The following RAD50 variants were observed in gnomAD, a reference collection of about 807,000 sequenced individuals.
The protein encoded by RAD50 is RAD50 double strand break repair protein, also known as DNA repair protein RAD50.
Under a neutral mutation model 168.8 loss-of-function variants are expected in RAD50, and 132 were observed. That is an observed-to-expected ratio of 0.78 (90% CI 0.68 to 0.90). The LOEUF (loss-of-function observed/expected upper bound fraction) is 0.90, where lower values mean the gene tolerates loss of function less well. Among genes scored for constraint, RAD50 ranks in the 40% least tolerant of loss-of-function variants. RAD50 has a pLI of 0.00. For missense variants in RAD50, 1,347 were observed against 1,534.4 expected (o/e 0.88, Z 2.04); for synonymous variants, 525 against 497.4 (o/e 1.06, Z -0.74).
chr5:132,581,072 A>G (rs963522075), intron 5 of RAD50, among the ~76,000 whole-genome samples: 4 of 152,102 alleles, frequency 2.6e-5, no homozygotes, highest in African/African-American at 9.7e-5. Flanking sequence ...TCAGCAAACT[A>G]GAAGACATTT....
chr5:132,643,193 T>A lies in RAD50; in HGVS notation c.*829T>A. 1 of 387,856 alleles carries A rather than the reference T, an allele frequency of 2.6e-6. No individual in the cohort carries two copies. Among genetic ancestry groups the A allele is most frequent in the Non-Finnish European group, 5.6e-6 (1 of 178,764 alleles). The allele number at this position is 387,856 out of a possible 1,614,324, so 24.0% of individuals were successfully genotyped here. On this transcript the variant is annotated 3_prime_UTR_variant, in exon 25 of 25. Transcript: ENST00000378823. The stretch of plus-strand genomic sequence containing the variant: ...ATCCTGATTCCTCTCTAAGTGGGCA[T>A]TGCCATGTGGAAGGCAAGCCAGGCT...
chr5:132,636,420 G>A (rs1751582307), intron 21 of RAD50, among the ~76,000 whole-genome samples: 1 of 152,086 alleles, frequency 6.6e-6, no homozygotes, highest in Non-Finnish European at 1.5e-5. Context: ...ATATAAATAT[G>A]GAAGTTAATA....
chr5:132,571,120 A>G (rs537202085), intron 2 of RAD50, among the ~76,000 whole-genome samples: 2 of 152,354 alleles, frequency 1.3e-5, no homozygotes, highest in African/African-American at 4.8e-5. Context: ...GCACACAAAC[A>G]ATTACAGTAG....
chr5:132,586,382 A>G (rs1217071869), intron 5 of RAD50, among the ~76,000 whole-genome samples: 1 of 152,218 alleles, frequency 6.6e-6, no homozygotes, highest in African/African-American at 2.4e-5. Context: ...AGCACCTAGT[A>G]CAGTGTCTGG....
chr5:132,588,173 T>C, intron 7 of RAD50, 84 bp downstream of exon 7: 9 of 1,471,662 alleles, frequency 6.1e-6, no homozygotes, highest in African/African-American at 1.4e-5. Context: ...CAAGGACTTA[T>C]GCTGAGTGAA....
intron 21 of RAD50, among the ~76,000 whole-genome samples, chr5:132,620,788 AAC>A (rs1751271865): frequency 6.6e-6 from 1 of 152,234 alleles, no homozygotes; most frequent in South Asian, 2.1e-4. Context: ...TGATAACAGA[AAC>A]AGTTGATTAA....
At chr5:132,577,043 C>T (rs1750412195) in intron 3 of RAD50, among the ~76,000 whole-genome samples, 1 of 152,218 alleles carries the variant, frequency 6.6e-6, no homozygotes, top group Non-Finnish European at 1.5e-5. Flanking sequence ...AATTTATTAT[C>T]TTACACTTAT....
At chr5:132,607,967 T>G (rs926753527) in intron 16 of RAD50, among the ~76,000 whole-genome samples, 8 of 152,232 alleles carry the variant, frequency 5.3e-5, no homozygotes, top group Admixed American at 2.6e-4. Context: ...GTAGATTTAG[T>G]GTTACAAGGC....
At chr5:132,609,067 A>T in intron 17 of RAD50, 50 bp from the exon 18 acceptor site, 1 of 1,602,770 alleles carries the variant, frequency 6.2e-7, no homozygotes, top group African/African-American at 1.3e-5. Flanking sequence ...CTCTCCTGTT[A>T]TGTGCCCTTA....
At chr5:132,612,864 C>A (rs185637003) in intron 19 of RAD50, among the ~76,000 whole-genome samples, 32 of 152,120 alleles carry the variant, frequency 2.1e-4, no homozygotes, top group Non-Finnish European at 3.1e-4. Flanking sequence ...TGTCTCCAAT[C>A]CACACCAGTA....
At position 132,642,332 on chromosome 5, in the gene RAD50, A is replaced by G. The variant is rs876659120; in HGVS notation, c.3907A>G (p.Ser1303Gly). Residue 1303 changes from serine (S) to glycine (G), a missense_variant, in exon 25 of 25, where the codon AGT (serine) becomes GGT (glycine). By Grantham distance (56) the Ser-to-Gly change is moderately conservative. Coordinates refer to ENST00000378823, the MANE Select transcript of RAD50 (RefSeq NM_005732.4). ...IDQCSEIVKC[S>G]VSSLGFNVH ...TCAGTGCTCAGAGATTGTGAAATGC[A>G]GTGTTAGCTCCCTGGGATTCAATGT... The G allele has an allele frequency of 1.2e-6, 2 of 1,614,058 alleles. No individual in the cohort carries two copies. Among genetic ancestry groups the G allele is most frequent in the Middle Eastern group, 1.6e-4 (1 of 6,062 alleles).
intron 10 of RAD50, 109 bp downstream of exon 10, chr5:132,591,515 T>C: frequency 8.8e-7 from 1 of 1,132,994 alleles, no homozygotes; most frequent in East Asian, 2.6e-5. Flanking sequence ...GACTATATTT[T>C]AGAGGCTAAG....
At chr5:132,613,116 A>G (rs1417345949) in intron 19 of RAD50, among the ~76,000 whole-genome samples, 4 of 151,934 alleles carry the variant, frequency 2.6e-5, no homozygotes, top group Admixed American at 6.6e-5. Flanking sequence ...TTATGTTTCC[A>G]TAGGTGACCA....
intron 13 of RAD50, among the ~76,000 whole-genome samples, chr5:132,600,309 A>G (rs1415551554): frequency 1.3e-5 from 2 of 152,174 alleles, no homozygotes; most frequent in Non-Finnish European, 2.9e-5. Context: ...GAAGGGTGGT[A>G]GGAGGGGACT....
At chr5:132,567,653 A>G (rs1490417362) in intron 2 of RAD50, among the ~76,000 whole-genome samples, 3 of 152,206 alleles carry the variant, frequency 2.0e-5, no homozygotes, top group African/African-American at 7.2e-5. Context: ...CTAGTAGAGA[A>G]CAACTACCAA....
At chr5:132,569,417 TATG>T (rs1213054990) in intron 2 of RAD50, among the ~76,000 whole-genome samples, 1 of 152,180 alleles carries the variant, frequency 6.6e-6, no homozygotes, top group African/African-American at 2.4e-5. Context: ...TGAAACATTT[TATG>T]ATGAGAAGAG....
intron 21 of RAD50, among the ~76,000 whole-genome samples, 179 bp downstream of exon 21, chr5:132,618,473 G>C (rs779486372): frequency 1.3e-5 from 2 of 152,052 alleles, no homozygotes; most frequent in South Asian, 4.1e-4. Flanking sequence ...CTGCCTCCCG[G>C]GTTCAAATGA....
chr5:132,583,019 A>G (rs73787021), intron 5 of RAD50, among the ~76,000 whole-genome samples: 7,486 of 152,280 alleles, frequency 0.049, 596 homozygotes, highest in African/African-American at 0.17. Flanking sequence ...ACCAAGAGGC[A>G]GTGAAAACAC....
At chr5:132,641,464 G>A (rs557521629) in intron 24 of RAD50, among the ~76,000 whole-genome samples, 5 of 152,350 alleles carry the variant, frequency 3.3e-5, no homozygotes, top group Non-Finnish European at 7.3e-5. Flanking sequence ...AGGGCCAGAA[G>A]GAGAGCTCAG....
Sources: allele counts gnomAD v4.1 joint callset (sites outside exome capture counted in the v4.1 genomes callset), GRCh38; gene constraint gnomAD v4.1.1; transcripts MANE v1.5; gene names NCBI Gene and HGNC (gene_info 2026-07-23, HGNC 2026-07-21).